The following OR2L13 variants were observed in gnomAD, a reference collection of about 807,000 sequenced individuals.
OR2L13 encodes the protein olfactory receptor family 2 subfamily L member 13, also known as olfactory receptor 2L13.
In OR2L13, 14 loss-of-function variants were observed where a neutral mutation model predicts 15.3. That is an observed-to-expected ratio of 0.91 (90% CI 0.60 to 1.43). The LOEUF (loss-of-function observed/expected upper bound fraction) is 1.43, where lower values mean the gene tolerates loss of function less well. OR2L13 is among the 40% of genes most tolerant of loss of function. The pLI, the probability that OR2L13 is intolerant of heterozygous loss-of-function variation, is 0.00. For synonymous variants in OR2L13, 152 were observed against 142.9 expected, an observed-to-expected ratio of 1.06 and a Z score of -0.45; for missense variants, 367 against 387.9, an observed-to-expected ratio of 0.95 and a Z score of 0.45.
the OR2L13 span, among the ~76,000 whole-genome samples, chr1:248,050,068 C>T: frequency 3.3e-5 from 5 of 152,072 alleles, no homozygotes; most frequent in East Asian, 1.9e-4. Context: ...AATCCTGTGA[C>T]GTTCCAGGTG....
chr1:247,991,128 C>T, the OR2L13 span: 1 of 1,606,510 alleles, frequency 6.2e-7, no homozygotes, highest in Non-Finnish European at 8.5e-7. Flanking sequence ...TCAACCCCAT[C>T]ATCTACAGCC....
the OR2L13 span, among the ~76,000 whole-genome samples, chr1:248,089,029 A>G: frequency 1.3e-5 from 2 of 152,096 alleles, no homozygotes; most frequent in African/African-American, 4.8e-5. Context: ...TGATGGAGTC[A>G]ATCCCACAAG....
chr1:247,950,478 C>T, the OR2L13 span, among the ~76,000 whole-genome samples: 2 of 152,128 alleles, frequency 1.3e-5, no homozygotes, highest in East Asian at 3.9e-4. Context: ...ACACTTAGGT[C>T]TTTAACCCAT....
At chr1:248,055,989 T>A in the OR2L13 span, 1 of 152,214 alleles carries the variant, frequency 6.6e-6, no homozygotes, top group South Asian at 2.1e-4. Flanking sequence ...TCTTCCTGGT[T>A]CAGTGTTGGG....
At chr1:248,033,485 G>A in the OR2L13 span, among the ~76,000 whole-genome samples, 3 of 151,736 alleles carry the variant, frequency 2.0e-5, no homozygotes. Context: ...CACACAGGTT[G>A]GAATGTGGTG....
upstream of OR2L13, among the ~76,000 whole-genome samples, chr1:248,091,736 T>C (rs1664602220): frequency 6.6e-6 from 1 of 152,196 alleles, no homozygotes; most frequent in African/African-American, 2.4e-5. Context: ...GCTTTGTTCT[T>C]TTGGCTTAGG....
the OR2L13 span, among the ~76,000 whole-genome samples, chr1:247,957,933 C>G: frequency 1.3e-5 from 2 of 152,046 alleles, no homozygotes; most frequent in Non-Finnish European, 2.9e-5. Flanking sequence ...TTTTGTGCCT[C>G]TATTTCCTTC....
chr1:248,061,759 C>A, the OR2L13 span: 1 of 763,916 alleles, frequency 1.3e-6, no homozygotes, highest in Non-Finnish European at 2.0e-6. Context: ...GATTTCTGGA[C>A]AAAATTGTTT....
the OR2L13 span, among the ~76,000 whole-genome samples, chr1:247,971,055 G>A: frequency 1.3e-5 from 2 of 152,130 alleles, no homozygotes; most frequent in South Asian, 2.1e-4. Flanking sequence ...GCTTTAAAGA[G>A]ACTGTTGATT....
At chr1:247,958,891 T>C in the OR2L13 span, among the ~76,000 whole-genome samples, 1 of 152,226 alleles carries the variant, frequency 6.6e-6, no homozygotes, top group Non-Finnish European at 1.5e-5. Flanking sequence ...TTTGACTCTT[T>C]ATCCAATGTG....
chr1:247,989,530 C>G, the OR2L13 span, among the ~76,000 whole-genome samples: 1 of 151,982 alleles, frequency 6.6e-6, no homozygotes, highest in African/African-American at 2.4e-5. Context: ...ATGTTTTTTC[C>G]TATAAATGTA....
the OR2L13 span, chr1:248,040,598 T>G: frequency 6.6e-6 from 1 of 152,184 alleles, no homozygotes; most frequent in Non-Finnish European, 1.5e-5. Context: ...AGTAAACATA[T>G]TTTCTCTTTC....
the OR2L13 span, among the ~76,000 whole-genome samples, chr1:247,986,583 T>C: frequency 6.6e-6 from 1 of 151,860 alleles, no homozygotes; most frequent in Non-Finnish European, 1.5e-5. Flanking sequence ...TAGGATTGAC[T>C]TGGCAATGAG....
At chr1:248,099,946 A>G (rs548399716) in exon 3 of OR2L13, 6 of 1,613,986 alleles carry the variant, frequency 3.7e-6, no homozygotes, top group African/African-American at 1.3e-5. Context: ...CTGTACAGAT[A>G]CTTGGGTCTA....
the OR2L13 span, among the ~76,000 whole-genome samples, chr1:247,946,556 T>C: frequency 6.6e-6 from 1 of 152,178 alleles, no homozygotes; most frequent in Non-Finnish European, 1.5e-5. Context: ...GTTAGAAACA[T>C]AACAAACTCT....
the OR2L13 span, chr1:248,038,726 C>G: frequency 2.5e-6 from 4 of 1,613,990 alleles, no homozygotes; most frequent in South Asian, 2.2e-5. Flanking sequence ...TAAGCTCTAT[C>G]AACTCTTGTG....
chr1:248,041,298 C>CCG, the OR2L13 span: 1 of 152,074 alleles, frequency 6.6e-6, no homozygotes, highest in African/African-American at 2.4e-5. Context: ...GGAAAACTGG[C>CCG]TAGCCATATG....
the OR2L13 span, among the ~76,000 whole-genome samples, chr1:248,032,663 G>A: frequency 3.9e-5 from 6 of 152,194 alleles, no homozygotes; most frequent in East Asian, 1.2e-3. Flanking sequence ...TTTCATCTAT[G>A]TTGTAGCATG....
chr1:248,004,247 C>A, the OR2L13 span, among the ~76,000 whole-genome samples: 6 of 150,966 alleles, frequency 4.0e-5, no homozygotes, highest in East Asian at 1.9e-4. Context: ...TCTAAACAAC[C>A]TTTTTCTTCA....
Sources: allele counts gnomAD v4.1 joint callset (sites outside exome capture counted in the v4.1 genomes callset), GRCh38; gene constraint gnomAD v4.1.1; transcripts MANE v1.5; gene names NCBI Gene and HGNC (gene_info 2026-07-23, HGNC 2026-07-21).